The following BDNF variants were observed in gnomAD, a reference collection of about 807,000 sequenced individuals.
The protein encoded by BDNF is brain derived neurotrophic factor.
BDNF carries 1 observed loss-of-function variant against 19.5 expected under a neutral mutation model. The observed-to-expected ratio is 0.05, with a 90% confidence interval of 0.02 to 0.24. BDNF has a LOEUF of 0.24. BDNF is among the 10% of genes least tolerant of loss of function. The pLI is 1.00. For synonymous variants in BDNF, 100 were observed against 121.6 expected, an observed-to-expected ratio of 0.82 and a Z score of 1.17; for missense variants, 195 against 317.6, an observed-to-expected ratio of 0.61 and a Z score of 2.93.
chr11:27,700,478 T>C (rs1859787870), upstream of BDNF: 1 of 982,428 alleles, frequency 1.0e-6, no homozygotes. Flanking sequence ...GGTCAGACAT[T>C]ATTTAGCTCT....
chr11:27,667,174 A>G (rs1301626220), intron 1 of BDNF, among the ~76,000 whole-genome samples: 3 of 152,186 alleles, frequency 2.0e-5, no homozygotes, highest in Non-Finnish European at 4.4e-5. Context: ...ACTAAGCTTC[A>G]TAAGTGAAGG....
intron 1 of BDNF, chr11:27,720,528 C>T: frequency 1.0e-6 from 1 of 985,866 alleles, no homozygotes; most frequent in Non-Finnish European, 1.2e-6. Flanking sequence ...TCCAAACGCT[C>T]CGCTCCAAAA....
rs371569389 is a variant in BDNF, at chr11:27,664,033, GAA to G, written c.-21-5450_-21-5449del. 3.5e-5 allele frequency among the ~76,000 whole-genome samples: 5 copies of G among 143,618 alleles called. No homozygotes were observed. The South Asian group carries it at 1.1e-3, about 31-fold the overall frequency. 94.2% of individuals were successfully genotyped at this position (143,618 alleles called of 152,430 possible). On this transcript the variant is annotated intron_variant, in intron 1 of 1. Coordinates refer to ENST00000356660, the MANE Select transcript of BDNF (RefSeq NM_001709.5). ...ACAGTACAGATAATTCAGGCATACA[GAA>G]AAAAAAAAAAGTCTTGTTTGTTCCC...
chr11:27,701,041 G>T, upstream of BDNF: 1 of 1,357,266 alleles, frequency 7.4e-7, no homozygotes, highest in Admixed American at 1.9e-5. Context: ...GAGCATGGGG[G>T]CTATTGGTTT....
rs375114446 is a variant in BDNF at position 27,669,645 on chromosome 11, C to G, written c.-21-11060G>C. ...AACAGAGAGCCAAATCATGAGTGAA[C>G]TCCCATTCACAATTGTTTCAAAGAG... is the stretch of plus-strand genomic sequence containing the variant. On this transcript the variant is annotated intron_variant, in intron 1 of 1. Coordinates refer to ENST00000356660, the MANE Select transcript of BDNF (RefSeq NM_001709.5). 7.2e-4 allele frequency among the ~76,000 whole-genome samples: 109 copies of G among 152,312 alleles called. 5 individuals carry two copies. In the South Asian group the frequency reaches 0.022, roughly 31 times the overall value.
chr11:27,696,800 CA>C (rs1859057524), intron 1 of BDNF, among the ~76,000 whole-genome samples: 1 of 152,178 alleles, frequency 6.6e-6, no homozygotes, highest in Non-Finnish European at 1.5e-5. Flanking sequence ...CAGGGAGATG[CA>C]AGTTGAAAAT....
At chr11:27,674,429 C>T (rs1376937269) in intron 1 of BDNF, 10 of 1,440,830 alleles carry the variant, frequency 6.9e-6, no homozygotes, top group African/African-American at 1.4e-5. Flanking sequence ...ACTGCTCTAC[C>T]CCAGCTCCCA....
At chr11:27,701,143 A>G (rs1859875874), upstream of BDNF, 5 of 1,241,462 alleles carry the variant, frequency 4.0e-6, no homozygotes, top group Non-Finnish European at 5.3e-6. Context: ...AGATAATAAC[A>G]GCATTTTTTA....
At chr11:27,659,385 A>G in intron 1 of BDNF, 1 of 1,000,332 alleles carries the variant, frequency 1.0e-6, no homozygotes, top group Non-Finnish European at 1.2e-6. Flanking sequence ...ATTTTTTGAC[A>G]TGTTCATTTT....
intron 1 of BDNF, chr11:27,660,102 A>G (rs1484538212): frequency 1.2e-6 from 1 of 811,378 alleles, no homozygotes; most frequent in Non-Finnish European, 1.6e-6. Flanking sequence ...AATAAGTAGG[A>G]AAAGGAACTG....
intron 1 of BDNF, among the ~76,000 whole-genome samples, chr11:27,710,384 T>G (rs1860276009): frequency 6.6e-6 from 1 of 152,228 alleles, no homozygotes; most frequent in African/African-American, 2.4e-5. Flanking sequence ...GCTACTCCCT[T>G]ACCCAGAATA....
At chr11:27,685,371 G>T (rs1857351757) in intron 1 of BDNF, among the ~76,000 whole-genome samples, 1 of 151,980 alleles carries the variant, frequency 6.6e-6, no homozygotes. Context: ...TGATTTTTTT[G>T]AAGGGTTTTT....
chr11:27,718,349 A>ACAC lies in BDNF; in HGVS notation c.3+3060_3+3062dup, dbSNP rs1554950377. On this transcript the variant is annotated intron_variant, in intron 1 of 1. Transcript: ENST00000314915. ...TCTGCTCCTCCATTCCCCGTTCCGC[A>ACAC]CACCACCCCCCCCCGCCCCTCCCGG... Among the ~76,000 whole-genome samples the ACAC allele has an allele frequency of 7.8e-4, 87 of 110,886 alleles. 1 individual carries two copies. Among genetic ancestry groups the ACAC allele is most frequent in the Middle Eastern group, 5.4e-3 (1 of 184 alleles). 72.7% of individuals were successfully genotyped at this position (110,886 alleles called of 152,430 possible).
At chr11:27,713,073 AT>A (rs1473364568) in intron 1 of BDNF, among the ~76,000 whole-genome samples, 1 of 133,524 alleles carries the variant, frequency 7.5e-6, no homozygotes, top group Non-Finnish European at 1.6e-5. Flanking sequence ...AATTTTTTGT[AT>A]TTTTAGTAGA....
intron 1 of BDNF, among the ~76,000 whole-genome samples, chr11:27,682,876 C>G (rs1251403449): frequency 1.3e-5 from 2 of 152,174 alleles, no homozygotes; most frequent in East Asian, 3.8e-4. Flanking sequence ...CATACATGTG[C>G]ATGTGTCTTT....
chr11:27,662,182 G>A (rs1163548209), intron 1 of BDNF, among the ~76,000 whole-genome samples: 6 of 152,106 alleles, frequency 3.9e-5, no homozygotes, highest in Non-Finnish European at 8.8e-5. Flanking sequence ...TGTATTTTTA[G>A]TAGAGACAGG....
In BDNF at chr11:27,658,207, C is replaced by T. The variant is rs766339291; in HGVS notation, c.358G>A (p.Ala120Thr). 1.9e-6 allele frequency: 3 copies of T among 1,613,982 alleles called. No homozygotes were observed. The highest frequency in any genetic ancestry group is 1.7e-6 in the Non-Finnish European group (2 of 1,180,018). Reference protein sequence around the residue: ...LEEYKNYLDAANMSMRVRRHS... With the variant: ...LEEYKNYLDATNMSMRVRRHS... The stretch of plus-strand genomic sequence containing the variant: ...CGCCGGACCCTCATGGACATGTTTG[C>T]AGCATCTAGGTAATTTTTGTATTCC... The change falls in exon 2 of 2, where the codon GCA becomes ACA. Residue 120 changes from alanine to threonine, a missense_variant. Around this residue, in one of 2 missense-constraint regions of BDNF, gnomAD observed 124 missense variants for 155.0 expected, o/e 0.80. Transcript: ENST00000356660. This position sits in a 1 kb window ranked among gnomAD's most constrained non-coding sequence, Gnocchi z 5.7.
intron 1 of BDNF, among the ~76,000 whole-genome samples, chr11:27,659,824 C>T (rs970499380): frequency 6.6e-6 from 1 of 152,166 alleles, no homozygotes; most frequent in Admixed American, 6.5e-5. Context: ...GAGGGTTGCT[C>T]TACTCTAAAT....
chr11:27,715,902 T>C (rs1480664233), intron 1 of BDNF, among the ~76,000 whole-genome samples: 1 of 152,202 alleles, frequency 6.6e-6, no homozygotes, highest in Non-Finnish European at 1.5e-5. Context: ...GTGTTATTAC[T>C]AGGAAATACA....
Sources: gnomAD v4.1 joint callset for allele counts (sites outside exome capture counted in the v4.1 genomes callset) on GRCh38, gnomAD v4.1.1 for gene constraint, gnomAD v4.1.1 regional missense constraint, Gnocchi (gnomAD v3.1) non-coding constraint, MANE v1.5 for transcripts, NCBI Gene and HGNC (gene_info 2026-07-23, HGNC 2026-07-21) for gene names.